The following PREX1 variants were observed in gnomAD, a reference collection of about 807,000 sequenced individuals.
PREX1 encodes phosphatidylinositol-3,4,5-trisphosphate dependent Rac exchange factor 1, also known as phosphatidylinositol 3,4,5-trisphosphate-dependent Rac exchanger 1 protein.
Under a neutral mutation model 198.3 loss-of-function variants are expected in PREX1, and 41 were observed. The ratio of observed to expected loss-of-function variants is 0.21; its 90% CI spans 0.16 to 0.27. PREX1 has a LOEUF of 0.27. Among genes scored for constraint, PREX1 ranks in the 10% least tolerant of loss-of-function variants. The pLI is 1.00. For missense variants in PREX1, 1,620 were observed against 2,200.7 expected (o/e 0.74, Z 5.28); for synonymous variants, 843 against 887.2 (o/e 0.95, Z 0.89).
chr20:48,679,578 G>A (rs2089734410), intron 12 of PREX1, 73 bp downstream of exon 12: 5 of 1,468,346 alleles, frequency 3.4e-6, no homozygotes, highest in Admixed American at 1.7e-5. Context: ...GCACAGGCCT[G>A]CTCTGAGGCG....
chr20:48,738,216 C>A lies in PREX1; in HGVS notation c.415-3566G>T, dbSNP rs142330422. ...AACACTGGTGAGGAGGATTCTGGGG[C>A]CCCACAGGAAGCCTAGAGACAGAAT... On this transcript the variant is annotated intron_variant, in intron 3 of 39. Transcript: ENST00000371941. Among the ~76,000 whole-genome samples the A allele has an allele frequency of 3.1e-4, 47 of 152,220 alleles. 1 individual carries two copies. The highest frequency in any genetic ancestry group is 1.1e-3 in the African/African-American group (46 of 41,524).
intron 1 of PREX1, among the ~76,000 whole-genome samples, chr20:48,749,103 G>A (rs866479177): frequency 1.3e-5 from 2 of 152,106 alleles, no homozygotes; most frequent in African/African-American, 4.8e-5. Context: ...TAAATGTTGG[G>A]GAAAGGAGAG....
At chr20:48,836,652 C>T in the PREX1 span, among the ~76,000 whole-genome samples, 2 of 152,156 alleles carry the variant, frequency 1.3e-5, no homozygotes, top group South Asian at 2.1e-4. Flanking sequence ...CGGTGGCTCA[C>T]GCCTGTAATC....
chr20:48,645,175 G>A (rs1015911848), intron 26 of PREX1, among the ~76,000 whole-genome samples: 2 of 152,180 alleles, frequency 1.3e-5, no homozygotes, highest in African/African-American at 4.8e-5. Context: ...GCGAGGACTG[G>A]GGGGAAGGTC....
intron 1 of PREX1, among the ~76,000 whole-genome samples, chr20:48,770,820 C>T (rs2090232014): frequency 6.6e-6 from 1 of 152,168 alleles, no homozygotes; most frequent in Non-Finnish European, 1.5e-5. Flanking sequence ...AATCCATGAC[C>T]CTCAGGCTAC....
chr20:48,745,340 C>T (rs1166362036), intron 2 of PREX1, among the ~76,000 whole-genome samples, 193 bp from the exon 3 acceptor site: 1 of 152,176 alleles, frequency 6.6e-6, no homozygotes, highest in African/African-American at 2.4e-5. Context: ...TTACTATAAT[C>T]GGAATTAGTG....
intron 14 of PREX1, among the ~76,000 whole-genome samples, chr20:48,675,854 C>T (rs2089705197): frequency 6.6e-6 from 1 of 152,052 alleles, no homozygotes. Flanking sequence ...CTGGCCAACA[C>T]AGTGAAACCC....
At chr20:48,629,359 G>A (rs6066787) in intron 37 of PREX1, 90 bp downstream of exon 37, 1 of 1,496,892 alleles carries the variant, frequency 6.7e-7, no homozygotes, top group Non-Finnish European at 9.1e-7. Flanking sequence ...TTGGAACCCA[G>A]CCTTCCTGCC....
At chr20:48,855,348 T>C in the PREX1 span, among the ~76,000 whole-genome samples, 1 of 152,108 alleles carries the variant, frequency 6.6e-6, no homozygotes. Flanking sequence ...ATAATCTTGA[T>C]TTCTGCTGAG....
chr20:48,640,515 A>G (rs2089400891), intron 29 of PREX1, among the ~76,000 whole-genome samples: 1 of 152,114 alleles, frequency 6.6e-6, no homozygotes, highest in African/African-American at 2.4e-5. Context: ...CATCCCTGAA[A>G]GCTGATCCTG....
In PREX1 at chr20:48,666,155, G is replaced by A. The variant is rs1473808876; in HGVS notation, c.1738+128C>T. 8 of 898,918 alleles carry A rather than the reference G, an allele frequency of 8.9e-6. No individual in the cohort carries two copies. Among genetic ancestry groups the A allele is most frequent in the Admixed American group, 4.6e-5 (2 of 43,488 alleles). The allele number at this position is 898,918 out of a possible 1,614,324, so 55.7% of individuals were successfully genotyped here. On this transcript the variant is annotated intron_variant, in intron 15 of 39. Coordinates refer to ENST00000371941, the MANE Select transcript of PREX1 (RefSeq NM_020820.4). The surrounding 1 kb of genome is among the most constrained non-coding windows in gnomAD (Gnocchi z 4.3). Reference sequence around the variant, plus strand: ...CGGGAAGGGGAGGGAGGTGGGATTCGTGAGCCTCCCCAAACCCCCGGGGGT... The same window carrying A: ...CGGGAAGGGGAGGGAGGTGGGATTCATGAGCCTCCCCAAACCCCCGGGGGT...
intron 5 of PREX1, among the ~76,000 whole-genome samples, chr20:48,720,050 A>G (rs2089978551): frequency 6.6e-6 from 1 of 152,136 alleles, no homozygotes; most frequent in African/African-American, 2.4e-5. Context: ...TGTTCCCCAG[A>G]CACACCAGCA....
At chr20:48,817,921 C>T (rs1394676803) in intron 1 of PREX1, among the ~76,000 whole-genome samples, 1 of 152,012 alleles carries the variant, frequency 6.6e-6, no homozygotes, top group African/African-American at 2.4e-5. Context: ...GCGAGGGAGG[C>T]AGACAATAAG....
chr20:48,689,610 C>T (rs2089806211), intron 9 of PREX1, among the ~76,000 whole-genome samples: 3 of 152,174 alleles, frequency 2.0e-5, no homozygotes, highest in Admixed American at 2.0e-4. Flanking sequence ...ACAAAGACCA[C>T]AAAGATACTG....
At chr20:48,637,118 T>C (rs1371269319) in intron 31 of PREX1, among the ~76,000 whole-genome samples, 1 of 152,248 alleles carries the variant, frequency 6.6e-6, no homozygotes, top group Non-Finnish European at 1.5e-5. Flanking sequence ...TGGAGAACTA[T>C]GCTTTCTTCC....
chr20:48,838,524 C>T, the PREX1 span, among the ~76,000 whole-genome samples: 2 of 152,114 alleles, frequency 1.3e-5, no homozygotes, highest in South Asian at 4.1e-4. Flanking sequence ...TATAGTATGT[C>T]CCCAATTTGG....
At chr20:48,750,730 T>C (rs2090130493) in intron 1 of PREX1, among the ~76,000 whole-genome samples, 1 of 152,170 alleles carries the variant, frequency 6.6e-6, no homozygotes, top group South Asian at 2.1e-4. Flanking sequence ...TAGGAGCTCA[T>C]TTGACAGATG....
intron 5 of PREX1, among the ~76,000 whole-genome samples, chr20:48,718,707 CA>C (rs1275935503): frequency 2.6e-5 from 4 of 152,038 alleles, no homozygotes; most frequent in Non-Finnish European, 4.4e-5. Context: ...TTCAGGAAAA[CA>C]CTAGTCAAAA....
chr20:48,768,693 T>C (rs2090220180), intron 1 of PREX1, among the ~76,000 whole-genome samples: 1 of 151,968 alleles, frequency 6.6e-6, no homozygotes, highest in South Asian at 2.1e-4. Flanking sequence ...GAGAATCATT[T>C]GAACCCAGGA....
Sources: gnomAD v4.1 joint callset for allele counts (sites outside exome capture counted in the v4.1 genomes callset) on GRCh38, gnomAD v4.1.1 for gene constraint, Gnocchi (gnomAD v3.1) non-coding constraint, MANE v1.5 for transcripts, NCBI Gene and HGNC (gene_info 2026-07-23, HGNC 2026-07-21) for gene names.